DPY19L3: variants seen among roughly 807,000 people sequenced by gnomAD.
DPY19L3 encodes the protein protein C-mannosyl-transferase DPY19L3.
DPY19L3 carries 51 observed loss-of-function variants against 92.3 expected under a neutral mutation model. The ratio of observed to expected loss-of-function variants is 0.55; its 90% CI spans 0.44 to 0.70. The LOEUF (loss-of-function observed/expected upper bound fraction) is 0.70, where lower values mean the gene tolerates loss of function less well. DPY19L3 is among the 30% of genes least tolerant of loss of function. The probability of loss-of-function intolerance (pLI) is 0.00; values close to 1 mark genes in which losing one functional copy is unlikely to be tolerated. For missense variants in DPY19L3, 706 were observed against 855.9 expected, an observed-to-expected ratio of 0.82 and a Z score of 2.18; for synonymous variants, 309 against 315.2, an observed-to-expected ratio of 0.98 and a Z score of 0.21.
At chr19:32,450,491 A>G (rs1969663852) in intron 8 of DPY19L3, among the ~76,000 whole-genome samples, 1 of 152,212 alleles carries the variant, frequency 6.6e-6, no homozygotes, top group South Asian at 2.1e-4. Flanking sequence ...GAATGCCCAT[A>G]TCCCTTCCAT....
chr19:32,466,240 G>A (rs1325521846), intron 15 of DPY19L3, among the ~76,000 whole-genome samples: 2 of 152,172 alleles, frequency 1.3e-5, no homozygotes, highest in East Asian at 1.9e-4. Context: ...TTCTTGAAGC[G>A]TGGTCCTCAG....
intron 17 of DPY19L3, chr19:32,479,646 G>A (rs759838763): frequency 7.2e-6 from 3 of 416,498 alleles, no homozygotes; most frequent in Non-Finnish European, 1.4e-5. Flanking sequence ...AGGAGGCAGT[G>A]CCTCTCTTCA....
Position 32,439,168 on chromosome 19 carries a change from C to T in DPY19L3, c.653C>T (p.Pro218Leu), listed in dbSNP as rs1411457041. 1 of 1,613,448 alleles carries T rather than the reference C, an allele frequency of 6.2e-7. No individual in the cohort carries two copies. Among genetic ancestry groups the T allele is most frequent in the Non-Finnish European group, 8.5e-7 (1 of 1,179,572 alleles). ...TIPLRENWALPFFAIQIAAIT... is the reference protein window; with the variant it reads ...TIPLRENWALLFFAIQIAAIT... ...CCACTGAGGGAGAACTGGGCGCTGC[C>T]ATTCTTTGCAATTCAGATAGCAGCA... Residue 218 changes from proline to leucine, a missense_variant, in exon 7 of 19, where the codon CCA becomes CTA. Pro to Leu is a moderately conservative substitution (Grantham distance 98). Transcript: ENST00000392250.
chr19:32,446,123 G>T (rs897618141), intron 8 of DPY19L3, among the ~76,000 whole-genome samples: 2 of 152,082 alleles, frequency 1.3e-5, no homozygotes, highest in African/African-American at 4.8e-5. Flanking sequence ...CTTAAATGGA[G>T]GTTAGGGTTC....
chr19:32,470,804 G>C (rs376185212), intron 16 of DPY19L3, among the ~76,000 whole-genome samples: 1 of 28,728 alleles, frequency 3.5e-5, no homozygotes, highest in Non-Finnish European at 7.0e-5. Context: ...TTTTTTTTTT[G>C]TAATTCTCAG....
At chr19:32,421,256 A>G (rs1482599379) in intron 3 of DPY19L3, among the ~76,000 whole-genome samples, 3 of 152,198 alleles carry the variant, frequency 2.0e-5, no homozygotes, top group Non-Finnish European at 2.9e-5. Flanking sequence ...ATTCCCTCAG[A>G]GCAATTAAGG....
chr19:32,468,014 A>G, intron 15 of DPY19L3: 1 of 984,916 alleles, frequency 1.0e-6, no homozygotes, highest in Non-Finnish European at 1.2e-6. Context: ...TGTACCAGCA[A>G]TTATATTAAT....
At chr19:32,410,879 C>T (rs1019376440) in intron 2 of DPY19L3, among the ~76,000 whole-genome samples, 1 of 152,226 alleles carries the variant, frequency 6.6e-6, no homozygotes, top group Non-Finnish European at 1.5e-5. Context: ...AGATCGATTA[C>T]GTCCTAGACA....
chr19:32,433,100 A>G (rs1969023553), intron 4 of DPY19L3, among the ~76,000 whole-genome samples: 1 of 152,178 alleles, frequency 6.6e-6, no homozygotes. Context: ...AGGTCTTTGC[A>G]GGTGAAAGGA....
chr19:32,452,193 G>GGT (rs992419469), intron 8 of DPY19L3, among the ~76,000 whole-genome samples: 3 of 152,300 alleles, frequency 2.0e-5, no homozygotes, highest in Admixed American at 1.3e-4. Flanking sequence ...CTGTGAGGAA[G>GGT]GTATCATCAT....
intron 12 of DPY19L3, among the ~76,000 whole-genome samples, chr19:32,460,959 G>A (rs1033965834): frequency 6.6e-5 from 10 of 152,060 alleles, no homozygotes; most frequent in South Asian, 2.1e-4. Context: ...TCTGCCTTCC[G>A]GGTTCAGGCA....
At chr19:32,424,794 G>T (rs1968702253) in intron 3 of DPY19L3, among the ~76,000 whole-genome samples, 1 of 152,126 alleles carries the variant, frequency 6.6e-6, no homozygotes, top group Non-Finnish European at 1.5e-5. Context: ...TGAAAAAGAA[G>T]AACAAAGTTG....
At chr19:32,428,889 C>T (rs1471750953) in intron 3 of DPY19L3, among the ~76,000 whole-genome samples, 1 of 151,668 alleles carries the variant, frequency 6.6e-6, no homozygotes, top group East Asian at 1.9e-4. Context: ...ACTCTGTCTC[C>T]CAGGCTGGAG....
chr19:32,480,962 C>T (rs1970655782), intron 18 of DPY19L3: 3 of 412,438 alleles, frequency 7.3e-6, no homozygotes, highest in African/African-American at 2.0e-5. Flanking sequence ...TCCTGCCCTC[C>T]GGTCTAGGTG....
rs193183031 is a variant in DPY19L3 at position 32,484,101 on chromosome 19, C to T, written c.*1861C>T. 8.5e-5 allele frequency: 13 copies of T among 152,458 alleles called. No homozygotes were observed. The highest frequency in any genetic ancestry group is 3.9e-4 in the Admixed American group (6 of 15,282). The allele number at this position is 152,458 out of a possible 1,614,324, so 9.4% of individuals were successfully genotyped here. On this transcript the variant is annotated 3_prime_UTR_variant, in exon 19 of 19. Transcript: ENST00000392250. Reference sequence around the variant, plus strand: ...GTACTTAAATTTTTATGCTTATCACCGCAATGATGGCAAACAGTGATTTTT... The same window carrying T: ...GTACTTAAATTTTTATGCTTATCACTGCAATGATGGCAAACAGTGATTTTT...
At chr19:32,430,807 T>C (rs1402697036) in intron 3 of DPY19L3, among the ~76,000 whole-genome samples, 1 of 150,476 alleles carries the variant, frequency 6.6e-6, no homozygotes, top group Non-Finnish European at 1.5e-5. Flanking sequence ...TTTTTTTTTT[T>C]TGTAGAGACA....
intron 16 of DPY19L3, 61 bp from the exon 17 acceptor site, chr19:32,477,461 T>G (rs1970545478): frequency 1.3e-6 from 2 of 1,599,308 alleles, no homozygotes; most frequent in Admixed American, 1.7e-5. Context: ...GATATTGTCT[T>G]CTTTGTTGTC....
Position 32,419,132 on chromosome 19 carries a change from G to A in DPY19L3, c.237+7760G>A, listed in dbSNP as rs925116939. On this transcript the variant is annotated intron_variant, in intron 3 of 18. Transcript: ENST00000392250. The stretch of plus-strand genomic sequence containing the variant: ...GTTACATGCTTGGAACTATTTGGGG[G>A]CATTTTAATACATATTGTATTTATT... 2.0e-5 allele frequency among the ~76,000 whole-genome samples: 3 copies of A among 149,994 alleles called. No individual in the cohort carries two copies. In the East Asian group the frequency reaches 5.8e-4, roughly 29 times the overall value.
chr19:32,448,271 C>G (rs1051168145), intron 8 of DPY19L3, among the ~76,000 whole-genome samples: 2 of 152,092 alleles, frequency 1.3e-5, no homozygotes, highest in African/African-American at 4.8e-5. Context: ...TAATGTTAAA[C>G]AGATATTAAC....
Sources: allele counts gnomAD v4.1 joint callset (sites outside exome capture counted in the v4.1 genomes callset), GRCh38; gene constraint gnomAD v4.1.1; transcripts MANE v1.5; gene names NCBI Gene and HGNC (gene_info 2026-07-23, HGNC 2026-07-21).